The following MGAT5B variants were observed in gnomAD, a reference collection of about 807,000 sequenced individuals.
The protein encoded by MGAT5B is N-acetylglucosaminyl-transferase Vb.
Under a neutral mutation model 95.1 loss-of-function variants are expected in MGAT5B, and 54 were observed. The ratio of observed to expected loss-of-function variants is 0.57; its 90% CI spans 0.46 to 0.71. The LOEUF is 0.71. Ranked by LOEUF, MGAT5B falls within the 30% of genes least tolerant of loss-of-function variation. The pLI is 0.00. For missense variants in MGAT5B, 935 were observed against 1,088.6 expected (o/e 0.86, Z 1.99); for synonymous variants, 464 against 451.0 (o/e 1.03, Z -0.36).
chr17:76,947,618 G>A (rs35574068), intron 16 of MGAT5B, among the ~76,000 whole-genome samples: 32,311 of 152,230 alleles, frequency 0.21, 3,548 homozygotes, highest in South Asian at 0.31. Context: ...GGCGGATGCC[G>A]TGACCTCTGA....
At chr17:76,901,739 G>A (rs575652205) in intron 3 of MGAT5B, among the ~76,000 whole-genome samples, 2 of 152,352 alleles carry the variant, frequency 1.3e-5, no homozygotes, top group South Asian at 4.1e-4. Flanking sequence ...GCTTCTGCGG[G>A]TAGAATTTAT....
intron 12 of MGAT5B, among the ~76,000 whole-genome samples, chr17:76,935,430 G>GGTGGTCATGCGATT (rs200929474): frequency 6.6e-6 from 1 of 151,262 alleles, no homozygotes; most frequent in Non-Finnish European, 1.5e-5. Flanking sequence ...TTTTTTAAAA[G>GGTGGTCATGCGATT]TTATTACGAG....
At chr17:76,944,781 C>T (rs557454479) in intron 15 of MGAT5B, among the ~76,000 whole-genome samples, 24 of 152,296 alleles carry the variant, frequency 1.6e-4, no homozygotes, top group African/African-American at 5.5e-4. Flanking sequence ...GGCCAGAGGC[C>T]CCAGGACGAG....
intron 4 of MGAT5B, 90 bp downstream of exon 4, chr17:76,902,760 G>A (rs1968363797): frequency 7.2e-6 from 7 of 972,568 alleles, no homozygotes; most frequent in Non-Finnish European, 1.1e-5. Flanking sequence ...GACACTTGGG[G>A]TGTGGCCGAC....
intron 15 of MGAT5B, among the ~76,000 whole-genome samples, chr17:76,942,514 G>A (rs1266598750): frequency 1.3e-5 from 2 of 152,118 alleles, no homozygotes; most frequent in Admixed American, 6.5e-5. Flanking sequence ...GTGACAGAGC[G>A]AGACTCCATC....
rs1257314858 is a variant in MGAT5B at position 76,940,912 on chromosome 17, T to A, written c.1848+64T>A. 1 of 1,384,920 alleles carries A rather than the reference T, an allele frequency of 7.2e-7. No individual in the cohort carries two copies. The highest frequency in any genetic ancestry group is 1.4e-5 in the African/African-American group (1 of 70,418). 85.8% of individuals were successfully genotyped at this position (1,384,920 alleles called of 1,614,324 possible). On this transcript the variant is annotated intron_variant, in intron 15 of 17. Coordinates refer to ENST00000569840, the MANE Select transcript of MGAT5B (RefSeq NM_001199172.2). The surrounding 1 kb of genome is among the most constrained non-coding windows in gnomAD (Gnocchi z 4.3). ...CCACACTGCTGGTCTTCACTCTGAT[T>A]AGAAAACGGTGCCCCCCTCTGGGTG...
Position 76,926,739 on chromosome 17 carries a change from C to T in MGAT5B, c.1291+9C>T. On this transcript the variant is annotated intron_variant, in intron 10 of 17. Transcript: ENST00000569840. Reference sequence around the variant, plus strand: ...GTTCATGACCATGTTTCGTGAGTGCCCCACAGGGCAGGGGTGGGGTCGGAG... The same window carrying T: ...GTTCATGACCATGTTTCGTGAGTGCTCCACAGGGCAGGGGTGGGGTCGGAG... The T allele has an allele frequency of 6.2e-7, 1 of 1,612,364 alleles. No homozygotes were observed. The highest frequency in any genetic ancestry group is 8.5e-7 in the Non-Finnish European group (1 of 1,179,708).
chr17:76,948,594 C>T, intron 17 of MGAT5B, 46 bp from the exon 18 acceptor site: 1 of 1,568,152 alleles, frequency 6.4e-7, no homozygotes, highest in Non-Finnish European at 8.7e-7. Context: ...AGCCCTTCTG[C>T]CCAAGTGACC....
chr17:76,938,262 C>G lies in MGAT5B; in HGVS notation c.1584+119C>G. On this transcript the variant is annotated intron_variant, in intron 13 of 17. Transcript: ENST00000569840. The surrounding 1 kb of genome is among the most constrained non-coding windows in gnomAD (Gnocchi z 4.3). The stretch of plus-strand genomic sequence containing the variant: ...ACATATGGACATACCCCAGCATGCT[C>G]TGCTGCCCTGAGCCCCACATCTGGC... 3 of 1,333,470 alleles carry G rather than the reference C, an allele frequency of 2.2e-6. No homozygotes were observed. The highest frequency in any genetic ancestry group is 3.1e-6 in the Non-Finnish European group (3 of 970,078). The allele number at this position is 1,333,470 out of a possible 1,614,324, so 82.6% of individuals were successfully genotyped here.
chr17:76,924,704 G>T (rs1183952599), intron 8 of MGAT5B, among the ~76,000 whole-genome samples: 1 of 152,202 alleles, frequency 6.6e-6, no homozygotes, highest in African/African-American at 2.4e-5. Context: ...ATGACAAAAG[G>T]TGCCCCTTCT....
chr17:76,879,919 A>G (rs745493776), intron 2 of MGAT5B, among the ~76,000 whole-genome samples: 4 of 152,206 alleles, frequency 2.6e-5, no homozygotes, highest in Non-Finnish European at 5.9e-5. Flanking sequence ...GGCTGCCCAG[A>G]TTAACCGATT....
At chr17:76,882,058 G>A (rs1190954190) in intron 2 of MGAT5B, 93 bp from the exon 3 acceptor site, 12 of 1,408,938 alleles carry the variant, frequency 8.5e-6, no homozygotes, top group South Asian at 1.4e-5. Flanking sequence ...GGGGACTTTG[G>A]GGCCAGCTTT....
At chr17:76,913,592 G>C in intron 8 of MGAT5B, 1 of 428,198 alleles carries the variant, frequency 2.3e-6, no homozygotes, top group South Asian at 1.7e-5. Flanking sequence ...CAGTGTGGTT[G>C]AAATTGTCAA....
At chr17:76,937,520 T>C (rs554412529) in intron 12 of MGAT5B, among the ~76,000 whole-genome samples, 1 of 151,688 alleles carries the variant, frequency 6.6e-6, no homozygotes, top group South Asian at 2.1e-4. Context: ...GATGGATGGA[T>C]GGATGCATGG....
chr17:76,938,157 C>G lies in MGAT5B; in HGVS notation c.1584+14C>G. On this transcript the variant is annotated intron_variant, in intron 13 of 17. Coordinates refer to ENST00000569840, the MANE Select transcript of MGAT5B (RefSeq NM_001199172.2). The surrounding 1 kb of genome is among the most constrained non-coding windows in gnomAD (Gnocchi z 4.3). Reference sequence around the variant, plus strand: ...CGCAAGGCCAAAGTGAGCTCCCATCCCCCGCACCATTCTCACACTTGCCGG... The same window carrying G: ...CGCAAGGCCAAAGTGAGCTCCCATCGCCCGCACCATTCTCACACTTGCCGG... 6.2e-7 allele frequency: 1 copy of G among 1,612,558 alleles called. No homozygotes were observed. The highest frequency in any genetic ancestry group is 8.5e-7 in the Non-Finnish European group (1 of 1,178,934).
rs1385091778 is a variant in MGAT5B, at chr17:76,897,660, A to ACCTTCTTTCTTTCTTTCTTTCTTT, written c.330-4894_330-4893insCTTCTTTCTTTCTTTCTTTCTTTC. 5.0e-4 allele frequency among the ~76,000 whole-genome samples: 35 copies of ACCTTCTTTCTTTCTTTCTTTCTTT among 69,428 alleles called. 2 individuals carry two copies. The highest frequency in any genetic ancestry group is 7.9e-3 in the Middle Eastern group (1 of 126). 45.5% of individuals were successfully genotyped at this position (69,428 alleles called of 152,430 possible). ...AAAGACCCTATTCCCAAGTAAGGCC[A>ACCTTCTTTCTTTCTTTCTTTCTTT]CTTTCTTTCTTTCTTTCTTTCTTTC... On this transcript the variant is annotated intron_variant, in intron 3 of 17. Transcript: ENST00000569840.
chr17:76,897,590 G>A (rs1567800010), intron 3 of MGAT5B, among the ~76,000 whole-genome samples: 1 of 152,082 alleles, frequency 6.6e-6, no homozygotes, highest in Non-Finnish European at 1.5e-5. Context: ...TGGACTTAGG[G>A]TCAGCCTGAT....
intron 3 of MGAT5B, among the ~76,000 whole-genome samples, chr17:76,894,879 A>G (rs1968010585): frequency 6.6e-6 from 1 of 151,772 alleles, no homozygotes; most frequent in South Asian, 2.1e-4. Flanking sequence ...AAAAGAAAAA[A>G]AAAGGCAAAA....
intron 3 of MGAT5B, among the ~76,000 whole-genome samples, chr17:76,895,247 A>G (rs1038277726): frequency 7.3e-5 from 11 of 151,572 alleles, no homozygotes; most frequent in African/African-American, 2.4e-4. Context: ...ATCACCCCCA[A>G]ATGGGACCAT....
Sources: allele counts gnomAD v4.1 joint callset (sites outside exome capture counted in the v4.1 genomes callset), GRCh38; gene constraint gnomAD v4.1.1; non-coding constraint Gnocchi (gnomAD v3.1); transcripts MANE v1.5; gene names NCBI Gene and HGNC (gene_info 2026-07-23, HGNC 2026-07-21).